The following RAPSN variants were observed in gnomAD, a reference collection of about 807,000 sequenced individuals.
RAPSN encodes receptor associated protein of the synapse.
RAPSN carries 33 observed loss-of-function variants against 45.7 expected under a neutral mutation model. That is an observed-to-expected ratio of 0.72 (90% CI 0.55 to 0.97). The LOEUF (loss-of-function observed/expected upper bound fraction) is 0.97. RAPSN is among the 50% of genes least tolerant of loss of function. The pLI, the probability that RAPSN is intolerant of heterozygous loss-of-function variation, is 0.00. For synonymous variants in RAPSN, 244 were observed against 233.6 expected (o/e 1.04, Z -0.40); for missense variants, 519 against 559.4 (o/e 0.93, Z 0.73).
intron 7 of RAPSN, among the ~76,000 whole-genome samples, chr11:47,438,263 C>G (rs949256812): frequency 2.0e-5 from 3 of 152,104 alleles, no homozygotes. Flanking sequence ...AGAGCAGGGG[C>G]TGGGAGTTGA....
Position 47,448,245 on chromosome 11 carries a change from C to T in RAPSN, c.193-95G>A, listed in dbSNP as rs2076426234. 5 of 1,300,722 alleles carry T rather than the reference C, an allele frequency of 3.8e-6. No individual in the cohort carries two copies. The Admixed American group carries it at 9.1e-5, about 24-fold the overall frequency. 80.6% of individuals were successfully genotyped at this position (1,300,722 alleles called of 1,614,324 possible). A position where few individuals can be genotyped will look rare whatever the true frequency, so the allele number is the denominator to read the frequency against. ...CAGGCTCAGACCTGGAGGCCCCACA[C>T]CCACCCCCCAGCCTCACACCCAAAG... On this transcript the variant is annotated intron_variant, in intron 1 of 7. Coordinates refer to ENST00000298854, the MANE Select transcript of RAPSN (RefSeq NM_005055.5).
At chr11:47,448,520 C>A (rs985495193) in intron 1 of RAPSN, among the ~76,000 whole-genome samples, 2 of 147,386 alleles carry the variant, frequency 1.4e-5, no homozygotes, top group Middle Eastern at 3.4e-3. Flanking sequence ...GACCCACAAA[C>A]CCTCGACCCT....
At chr11:47,439,555 G>A (rs1006155083) in intron 6 of RAPSN, among the ~76,000 whole-genome samples, 3 of 151,976 alleles carry the variant, frequency 2.0e-5, no homozygotes, top group African/African-American at 7.3e-5. Context: ...TTTCTGATCA[G>A]CCTGATACCC....
Position 47,448,925 on chromosome 11 carries a change from G to A in RAPSN, c.40C>T (p.Leu14Phe), listed in dbSNP as rs1256816164. The A allele has an allele frequency of 1.2e-6, 2 of 1,614,130 alleles. No homozygotes were observed. Among genetic ancestry groups the A allele is most frequent in the Non-Finnish European group, 1.7e-6 (2 of 1,180,054 alleles). ...DQTKQQIEKGLQLYQSNQTEK... is the reference protein window; with the variant it reads ...DQTKQQIEKGFQLYQSNQTEK... ...GTCTGGTTGGACTGGTACAGCTGGA[G>A]CCCCTTCTCGATCTGCTGCTTGGTC... Residue 14 changes from leucine to phenylalanine, a missense_variant, in exon 1 of 8, where the codon CTC becomes TTC. Coordinates refer to ENST00000298854, the MANE Select transcript of RAPSN (RefSeq NM_005055.5).
At position 47,441,709 on chromosome 11, in the gene RAPSN, C is replaced by A. The variant is rs771749514; in HGVS notation, c.814G>T (p.Ala272Ser). The A allele has an allele frequency of 2.5e-6, 4 of 1,608,436 alleles. No individual in the cohort carries two copies. In the East Asian group the frequency reaches 6.7e-5, roughly 27 times the overall value. The part of the protein sequence containing the change: ...LETAFPRYDS[A>S]MSIMTEIGNR... The stretch of plus-strand genomic sequence containing the variant: ...CCGATCTCGGTCATGATGCTCATGG[C>A]GGAGTCGTACCTGGGGAAGGCTGTC... Residue 272 changes from alanine (A) to serine (S), a missense_variant, in exon 5 of 8, where the codon GCC becomes TCC. Coordinates refer to ENST00000298854, the MANE Select transcript of RAPSN (RefSeq NM_005055.5).
chr11:47,447,748 G>A, intron 2 of RAPSN, 64 bp downstream of exon 2: 2 of 1,502,180 alleles, frequency 1.3e-6, no homozygotes, highest in Non-Finnish European at 1.8e-6. Context: ...GCCACAGGGT[G>A]TGTGCCTCAT....
At chr11:47,441,564 GGGGAGTGCT>G (rs1565683838) in intron 5 of RAPSN, 38 bp downstream of exon 5, 3 of 1,599,468 alleles carry the variant, frequency 1.9e-6, no homozygotes, top group Non-Finnish European at 2.5e-6. Flanking sequence ...GGCCCCAAGT[GGGGAGTGCT>G]GGGAGGGCTG....
At chr11:47,447,528 C>A (rs1184720184) in intron 2 of RAPSN, among the ~76,000 whole-genome samples, 2 of 152,206 alleles carry the variant, frequency 1.3e-5, no homozygotes, top group Non-Finnish European at 2.9e-5. Context: ...CCCAAGACCA[C>A]ACAGCAAACA....
chr11:47,441,780 C>T lies in RAPSN; in HGVS notation c.789+43G>A. The T allele has an allele frequency of 5.8e-6, 3 of 513,282 alleles. No individual in the cohort carries two copies. In the Admixed American group the frequency reaches 6.7e-5, roughly 12 times the overall value. 31.8% of individuals were successfully genotyped at this position (513,282 alleles called of 1,614,324 possible). ...GGAATCAGGCTGTATCAGGCCTGTG[C>T]CCCTGCCCCCTGCCCCCAGCCCCTG... On this transcript the variant is annotated intron_variant, in intron 4 of 7. Coordinates refer to ENST00000298854, the MANE Select transcript of RAPSN (RefSeq NM_005055.5).
chr11:47,442,514 G>T, intron 3 of RAPSN, 142 bp downstream of exon 3: 1 of 887,238 alleles, frequency 1.1e-6, no homozygotes, highest in Non-Finnish European at 1.7e-6. Context: ...GGTGGTGCAC[G>T]CCTTTAGAGA....
At chr11:47,439,429 G>A (rs984926815) in intron 6 of RAPSN, among the ~76,000 whole-genome samples, 3 of 152,164 alleles carry the variant, frequency 2.0e-5, no homozygotes, top group Non-Finnish European at 2.9e-5. Flanking sequence ...AGCCGAAATC[G>A]CACCACTGCA....
intron 2 of RAPSN, among the ~76,000 whole-genome samples, chr11:47,443,931 C>CAAAAAAAAAA (rs1161231934): frequency 0.02 from 270 of 13,818 alleles, 3 homozygotes; most frequent in Non-Finnish European, 0.023. Context: ...CTCTGTCTCA[C>CAAAAAAAAAA]AAAAAAAAAA....
At chr11:47,438,080 G>C (rs2153306311) in intron 7 of RAPSN, 33 bp from the exon 8 acceptor site, 3 of 1,549,044 alleles carry the variant, frequency 1.9e-6, no homozygotes, top group Non-Finnish European at 2.6e-6. Context: ...CCACTCCCCT[G>C]AGGCCTGTCC....
At chr11:47,444,363 C>A (rs1212540523) in intron 2 of RAPSN, among the ~76,000 whole-genome samples, 1 of 151,842 alleles carries the variant, frequency 6.6e-6, no homozygotes, top group Non-Finnish European at 1.5e-5. Context: ...CATTGCAAGA[C>A]CACTGTCTCT....
intron 7 of RAPSN, 127 bp downstream of exon 7, chr11:47,438,605 G>T: frequency 1.7e-6 from 2 of 1,167,540 alleles, no homozygotes; most frequent in Non-Finnish European, 1.2e-6. Context: ...AGACAGACGT[G>T]AGGCACCACG....
intron 7 of RAPSN, 37 bp from the exon 8 acceptor site, chr11:47,438,084 C>A (rs1472206377): frequency 6.5e-7 from 1 of 1,547,210 alleles, no homozygotes; most frequent in Non-Finnish European, 8.7e-7. Flanking sequence ...TCCCCTGAGG[C>A]CTGTCCTTCC....
rs2076327472 is a variant in RAPSN, at chr11:47,438,045, C to T, written c.1169G>A (p.Cys390Tyr). The change falls in exon 8 of 8, where the codon TGC becomes TAC. Residue 390 changes from cysteine to tyrosine, a missense_variant and splice_region_variant. Cys to Tyr is a radical substitution (Grantham distance 194, BLOSUM62 -2). Transcript: ENST00000298854. The part of the protein sequence containing the change: ...LPCSHIFHLR[C>Y]LQNNGTRSCP... ...GCTCCGGGTCCCGTTGTTCTGCAGGCACCTGGGGAGGCAAAGGGCCCTGTC... is the reference window on the plus strand; with the variant it reads ...GCTCCGGGTCCCGTTGTTCTGCAGGTACCTGGGGAGGCAAAGGGCCCTGTC... The T allele has an allele frequency of 6.5e-7, 1 of 1,549,810 alleles. No individual in the cohort carries two copies. The highest frequency in any genetic ancestry group is 1.2e-5 in the South Asian group (1 of 83,978).
intron 3 of RAPSN, 84 bp downstream of exon 3, chr11:47,442,572 A>G (rs973308377): frequency 6.7e-7 from 1 of 1,501,106 alleles, no homozygotes; most frequent in Non-Finnish European, 9.1e-7. Context: ...GCTGATTTGG[A>G]AGAAGGAAGC....
chr11:47,445,237 A>AT (rs1310237499), intron 2 of RAPSN, among the ~76,000 whole-genome samples: 6 of 151,572 alleles, frequency 4.0e-5, no homozygotes, highest in Non-Finnish European at 5.9e-5. Context: ...CTCTAAAAAA[A>AT]AATATATATA....
Sources: allele counts gnomAD v4.1 joint callset (sites outside exome capture counted in the v4.1 genomes callset), GRCh38; gene constraint gnomAD v4.1.1; transcripts MANE v1.5; gene names NCBI Gene and HGNC (gene_info 2026-07-23, HGNC 2026-07-21).